GALNT13: variants seen among roughly 807,000 people sequenced by gnomAD.
GALNT13 encodes polypeptide N-acetylgalactosaminyltransferase 13, also known as UDP-GalNAc:polypeptide N-acetylgalactosaminyltransferase 13.
GALNT13 carries 28 observed loss-of-function variants against 64.2 expected under a neutral mutation model. The ratio of observed to expected loss-of-function variants is 0.44; its 90% CI spans 0.32 to 0.60. The LOEUF (loss-of-function observed/expected upper bound fraction) is 0.60, where lower values mean the gene tolerates loss of function less well. GALNT13 is among the 20% of genes least tolerant of loss of function. The pLI is 0.05. For missense variants in GALNT13, 577 were observed against 669.8 expected (o/e 0.86, Z 1.53); for synonymous variants, 214 against 224.6 (o/e 0.95, Z 0.42).
chr2:153,113,466 A>G, the GALNT13 span, among the ~76,000 whole-genome samples: 1 of 151,858 alleles, frequency 6.6e-6, no homozygotes, highest in South Asian at 2.1e-4. Context: ...GTATCCCTTA[A>G]TCTTGTACTC....
At chr2:154,278,539 C>G (rs1691782766) in intron 8 of GALNT13, among the ~76,000 whole-genome samples, 1 of 152,112 alleles carries the variant, frequency 6.6e-6, no homozygotes, top group South Asian at 2.1e-4. Flanking sequence ...AGCAAAAGAG[C>G]AAGGCATTTC....
At chr2:153,686,482 A>C in the GALNT13 span, among the ~76,000 whole-genome samples, 1 of 151,954 alleles carries the variant, frequency 6.6e-6, no homozygotes, top group African/African-American at 2.4e-5. Context: ...ATTTTTGCAC[A>C]TTGATTTTGT....
the GALNT13 span, among the ~76,000 whole-genome samples, chr2:153,560,933 T>G: frequency 6.6e-6 from 1 of 152,118 alleles, no homozygotes; most frequent in African/African-American, 2.4e-5. Context: ...TGAATATTCA[T>G]ATTCAAGCAA....
At chr2:154,406,890 C>G (rs561493507) in intron 10 of GALNT13, among the ~76,000 whole-genome samples, 1 of 152,126 alleles carries the variant, frequency 6.6e-6, no homozygotes, top group Non-Finnish European at 1.5e-5. Flanking sequence ...AATGAATTCA[C>G]AAGAGGTGTT....
At position 154,039,875 on chromosome 2, in the gene GALNT13, C is replaced by T. The variant is rs530601617; in HGVS notation, c.142+95236C>T. 2.6e-4 allele frequency among the ~76,000 whole-genome samples: 37 copies of T among 140,010 alleles called. 4 individuals are homozygous for T. Among genetic ancestry groups the T allele is most frequent in the African/African-American group, 7.8e-4 (32 of 40,874 alleles). 91.9% of individuals were successfully genotyped at this position (140,010 alleles called of 152,430 possible). On this transcript the variant is annotated intron_variant, in intron 3 of 12. Transcript: ENST00000392825. ...TATACATGTATAGGGATATTGTATG[C>T]TCCATATATATGTACAATTATTATG...
the GALNT13 span, among the ~76,000 whole-genome samples, chr2:153,843,524 T>A: frequency 5.9e-5 from 9 of 152,290 alleles, no homozygotes; most frequent in South Asian, 1.9e-3. Flanking sequence ...CCAAACGATA[T>A]CATTCTATCC....
chr2:153,455,093 T>C, the GALNT13 span, among the ~76,000 whole-genome samples: 1 of 151,850 alleles, frequency 6.6e-6, no homozygotes. Context: ...GAAGGAAGGG[T>C]TGGGTAAGGA....
At chr2:153,163,470 T>C in the GALNT13 span, among the ~76,000 whole-genome samples, 2 of 152,324 alleles carry the variant, frequency 1.3e-5, no homozygotes, top group African/African-American at 4.8e-5. Context: ...TCTTGACTTC[T>C]TCCTCAACAA....
chr2:153,970,095 G>C (rs1693640517), intron 3 of GALNT13, among the ~76,000 whole-genome samples: 1 of 152,140 alleles, frequency 6.6e-6, no homozygotes, highest in African/African-American at 2.4e-5. Flanking sequence ...TTCAAACATC[G>C]CTATGGAGAA....
chr2:154,104,710 A>T (rs1483608736), intron 3 of GALNT13, among the ~76,000 whole-genome samples: 1 of 152,244 alleles, frequency 6.6e-6, no homozygotes, highest in Non-Finnish European at 1.5e-5. Context: ...GGTATCCCAC[A>T]GCTCTCCGGG....
the GALNT13 span, among the ~76,000 whole-genome samples, chr2:153,670,561 G>T: frequency 6.6e-6 from 1 of 152,158 alleles, no homozygotes; most frequent in African/African-American, 2.4e-5. Flanking sequence ...CAACATCAAA[G>T]ACCAAAGGTA....
intron 9 of GALNT13, among the ~76,000 whole-genome samples, chr2:154,361,908 T>C (rs1051746105): frequency 2.6e-5 from 4 of 152,218 alleles, no homozygotes; most frequent in South Asian, 2.1e-4. Context: ...CCAAGACTTA[T>C]TTATTTTGGA....
At chr2:153,154,614 C>A in the GALNT13 span, among the ~76,000 whole-genome samples, 9 of 152,054 alleles carry the variant, frequency 5.9e-5, no homozygotes, top group Non-Finnish European at 1.3e-4. Context: ...TGAGACTTTG[C>A]TGAATCAGTT....
chr2:153,684,660 T>A, the GALNT13 span, among the ~76,000 whole-genome samples: 655 of 151,950 alleles, frequency 4.3e-3, 2 homozygotes, highest in African/African-American at 0.015. Context: ...TTTTTTTAAC[T>A]TTTATTTTAA....
chr2:153,449,253 T>TA, the GALNT13 span, among the ~76,000 whole-genome samples: 1 of 152,182 alleles, frequency 6.6e-6, no homozygotes, highest in Admixed American at 6.5e-5. Context: ...GGTATTTTTT[T>TA]ATGGAAGCCC....
chr2:153,565,778 GCTTGTGCATACACATA>G, the GALNT13 span, among the ~76,000 whole-genome samples: 1 of 152,136 alleles, frequency 6.6e-6, no homozygotes, highest in Non-Finnish European at 1.5e-5. Flanking sequence ...GTATGCACGT[GCTTGTGCATACACATA>G]CCCCTCATGC....
At chr2:153,607,396 T>A in the GALNT13 span, among the ~76,000 whole-genome samples, 71 of 152,186 alleles carry the variant, frequency 4.7e-4, no homozygotes, top group African/African-American at 1.7e-3. Flanking sequence ...ATATATGTAG[T>A]CTTGTTTTCT....
the GALNT13 span, among the ~76,000 whole-genome samples, chr2:153,743,872 T>G: frequency 6.6e-6 from 1 of 152,142 alleles, no homozygotes; most frequent in Non-Finnish European, 1.5e-5. Context: ...TCTTTCTCCA[T>G]AAGTTCAATT....
the GALNT13 span, among the ~76,000 whole-genome samples, chr2:153,648,134 T>G: frequency 1.4e-4 from 21 of 152,314 alleles, no homozygotes; most frequent in African/African-American, 4.8e-4. Flanking sequence ...TGTCCTCTTT[T>G]ATTTCATTGA....
Sources: allele counts gnomAD v4.1 joint callset (sites outside exome capture counted in the v4.1 genomes callset), GRCh38; gene constraint gnomAD v4.1.1; transcripts MANE v1.5; gene names NCBI Gene and HGNC (gene_info 2026-07-23, HGNC 2026-07-21).